BCL11B: variants seen among roughly 807,000 people sequenced by gnomAD.
The protein encoded by BCL11B is BCL11 transcription factor B, also known as B-cell lymphoma/leukemia 11B.
In BCL11B, 8 loss-of-function variants were observed where a neutral mutation model predicts 49.9. That is an observed-to-expected ratio of 0.16 (90% CI 0.09 to 0.29). The LOEUF is 0.29. BCL11B is among the 10% of genes least tolerant of loss of function. The probability of loss-of-function intolerance (pLI) is 1.00; values close to 1 mark genes in which losing one functional copy is unlikely to be tolerated. For missense variants in BCL11B, 1,006 were observed against 1,351.0 expected, an observed-to-expected ratio of 0.74 and a Z score of 4.00; for synonymous variants, 739 against 637.4, an observed-to-expected ratio of 1.16 and a Z score of -2.40.
chr14:99,239,160 T>C (rs538315563), intron 2 of BCL11B, among the ~76,000 whole-genome samples: 13 of 152,296 alleles, frequency 8.5e-5, no homozygotes, highest in Admixed American at 6.5e-4. Context: ...AATGGAGGAA[T>C]TGCCCCTTTT....
rs1301107578 is a variant in BCL11B at position 99,248,215 on chromosome 14, C to T, written c.427+9256G>A. ...CAGCACAGACTCCTCCTTTCTGAGA[C>T]ACCCCAGGGCCCTCCAGACCAAAAC... On this transcript the variant is annotated intron_variant, in intron 2 of 3. Transcript: ENST00000357195. This position sits in a 1 kb window ranked among gnomAD's most constrained non-coding sequence, Gnocchi z 4.7. 3.3e-5 allele frequency among the ~76,000 whole-genome samples: 5 copies of T among 152,092 alleles called. No homozygotes were observed. Among genetic ancestry groups the T allele is most frequent in the Admixed American group, 2.6e-4 (4 of 15,280 alleles).
intron 1 of BCL11B, chr14:99,264,376 A>G (rs1889422373): frequency 6.6e-6 from 1 of 151,560 alleles, no homozygotes; most frequent in Admixed American, 6.6e-5. Flanking sequence ...ACTTTTCTTG[A>G]GTCATTTCTG....
chr14:99,231,372 G>C lies in BCL11B; in HGVS notation c.613C>G (p.Pro205Ala), dbSNP rs778883303. The part of the protein sequence containing the change: ...GTQGEGQTEA[P>A]FGCQCQLSGK... Reference sequence around the variant, plus strand: ...GACAACTGACACTGGCATCCAAAGGGAGCCTCCGTCTGACCCTCACCCTGA... The same window carrying C: ...GACAACTGACACTGGCATCCAAAGGCAGCCTCCGTCTGACCCTCACCCTGA... Residue 205 changes from proline to alanine, a missense_variant, in exon 3 of 4, where the codon CCC (proline) becomes GCC (alanine). By Grantham distance (27) the Pro-to-Ala change is conservative. This residue lies in a region of BCL11B where 411 missense variants were observed against 542.2 expected (regional missense o/e 0.76). Transcript: ENST00000357195. The surrounding 1 kb of genome is among the most constrained non-coding windows in gnomAD (Gnocchi z 8.1). The C allele has an allele frequency of 6.2e-7, 1 of 1,608,472 alleles. No homozygotes were observed. The highest frequency in any genetic ancestry group is 1.7e-5 in the Admixed American group (1 of 59,310).
Position 99,170,602 on chromosome 14 carries a change from A to C in BCL11B, c.*3549T>G. 2 of 232,794 alleles carry C rather than the reference A, an allele frequency of 8.6e-6. No homozygotes were observed. Among genetic ancestry groups the C allele is most frequent in the East Asian group, 6.1e-5 (1 of 16,492 alleles). The allele number at this position is 232,794 out of a possible 1,614,324, so 14.4% of individuals were successfully genotyped here. On this transcript the variant is annotated 3_prime_UTR_variant, in exon 4 of 4. Coordinates refer to ENST00000357195, the MANE Select transcript of BCL11B (RefSeq NM_138576.4). ...AAAAAAAAGGACCAATGGAGGATGA[A>C]GGATGGAGAGGAAACGCAGGGGAAG...
chr14:99,180,915 G>A (rs1886681610), intron 3 of BCL11B, among the ~76,000 whole-genome samples: 1 of 152,074 alleles, frequency 6.6e-6, no homozygotes, highest in Admixed American at 6.5e-5. Flanking sequence ...CGTGCAGCTG[G>A]ACTCCTGCAA....
At chr14:99,212,699 C>G (rs1887722817) in intron 3 of BCL11B, among the ~76,000 whole-genome samples, 1 of 152,142 alleles carries the variant, frequency 6.6e-6, no homozygotes, top group Admixed American at 6.5e-5. Context: ...GAGAACAACC[C>G]CTCCACGCCC....
intron 3 of BCL11B, among the ~76,000 whole-genome samples, chr14:99,183,466 C>G (rs1029343942): frequency 6.6e-6 from 1 of 152,122 alleles, no homozygotes; most frequent in African/African-American, 2.4e-5. Flanking sequence ...GCCGAGACAT[C>G]CGACAGACCA....
Position 99,257,521 on chromosome 14 carries a change from T to C in BCL11B, c.377A>G (p.His126Arg), listed in dbSNP as rs764041113. The C allele has an allele frequency of 1.2e-6, 2 of 1,613,304 alleles. No homozygotes were observed. The highest frequency in any genetic ancestry group is 1.7e-6 in the Non-Finnish European group (2 of 1,179,486). The stretch of plus-strand genomic sequence containing the variant: ...GATGCCTTTCGTGGGTGAGAGCAGG[T>C]GGTCATCTTCGTCGGGGGTGACTTG... ...GIQVTPDEDD[H>R]LLSPTKGICP... The change falls in exon 2 of 4, where the codon CAC (histidine) becomes CGC (arginine). Residue 126 changes from histidine (H) to arginine (R), a missense_variant. Physicochemically the swap from His to Arg is conservative, Grantham distance 29. Transcript: ENST00000357195. The surrounding 1 kb of genome is among the most constrained non-coding windows in gnomAD (Gnocchi z 6.2).
At chr14:99,238,924 C>T (rs1013616739) in intron 2 of BCL11B, among the ~76,000 whole-genome samples, 2 of 152,162 alleles carry the variant, frequency 1.3e-5, no homozygotes, top group Admixed American at 6.5e-5. Context: ...AGCCATGTGT[C>T]GCACTGGTTA....
intron 3 of BCL11B, among the ~76,000 whole-genome samples, chr14:99,227,283 ACTCAGCACATGGTGTTGTT>A (rs1319371740): frequency 6.6e-6 from 1 of 152,112 alleles, no homozygotes; most frequent in African/African-American, 2.4e-5. Context: ...GACAGGGCTC[ACTCAGCACATGGTGTTGTT>A]CTCAGCACCT....
In BCL11B at chr14:99,175,699, G is replaced by A. The variant is rs753480029; in HGVS notation, c.1137C>T (p.Pro379=). Residue 379 remains proline (P), a synonymous_variant, in exon 4 of 4, where the codon CCC becomes CCT. Transcript: ENST00000357195. The part of the protein sequence containing the change: ...ELAGNSSTPP[P]VSPGRGNPMH... ...TAGGGTTGCCGCGGCCCGGGGACAC[G>A]GGCGGCGGCGTGGAGCTGTTGCCCG... The A allele has an allele frequency of 1.3e-6, 2 of 1,511,102 alleles. No individual in the cohort carries two copies. Among genetic ancestry groups the A allele is most frequent in the East Asian group, 2.5e-5 (1 of 40,440 alleles). The allele number at this position is 1,511,102 out of a possible 1,614,324, so 93.6% of individuals were successfully genotyped here. A position where few individuals can be genotyped will look rare whatever the true frequency, so the allele number is the denominator to read the frequency against.
Position 99,236,244 on chromosome 14 carries a change from CA to C in BCL11B, c.428-4688del, listed in dbSNP as rs1888494828. ...GCAGATAACCCAATTCGCACGCGGG[CA>C]AATAAAAATATTTTTTTCTGATCAC... On this transcript the variant is annotated intron_variant, in intron 2 of 3. Coordinates refer to ENST00000357195, the MANE Select transcript of BCL11B (RefSeq NM_138576.4). Among the ~76,000 whole-genome samples the C allele has an allele frequency of 3.3e-5, 5 of 151,968 alleles. No individual in the cohort carries two copies. The South Asian group carries it at 1.0e-3, about 32-fold the overall frequency.
Position 99,171,622 on chromosome 14 carries a change from T to G in BCL11B, c.*2529A>C, listed in dbSNP as rs1401149463. The G allele has an allele frequency of 1.9e-5, 4 of 210,300 alleles. No homozygotes were observed. The highest frequency in any genetic ancestry group is 3.9e-5 in the Non-Finnish European group (4 of 103,524). 13.0% of individuals were successfully genotyped at this position (210,300 alleles called of 1,614,324 possible). On this transcript the variant is annotated 3_prime_UTR_variant, in exon 4 of 4. Coordinates refer to ENST00000357195, the MANE Select transcript of BCL11B (RefSeq NM_138576.4). ...GGTCAGAAATGTGATTTTTTTTTTT[T>G]CTGCAAAGCAATAACAATATTAAGC...
intron 3 of BCL11B, among the ~76,000 whole-genome samples, chr14:99,193,969 C>T (rs1025825541): frequency 1.3e-5 from 2 of 152,150 alleles, no homozygotes; most frequent in East Asian, 1.9e-4. Context: ...CAATGAGATC[C>T]GGCCATTTTA....
rs1456104103 is a variant in BCL11B, at chr14:99,174,631, C to T, written c.2205G>A (p.Ser735=). 1 of 1,566,146 alleles carries T rather than the reference C, an allele frequency of 6.4e-7. No homozygotes were observed. ...PFLGFTDARQ[S]PFATSSEHSS... Reference sequence around the variant, plus strand: ...AGTGCTCGGACGACGTGGCGAAGGGCGACTGTCGTGCGTCCGTGAAGCCCA... The same window carrying T: ...AGTGCTCGGACGACGTGGCGAAGGGTGACTGTCGTGCGTCCGTGAAGCCCA... Residue 735 remains serine, a synonymous_variant, in exon 4 of 4, where the codon TCG becomes TCA. Transcript: ENST00000357195.
At chr14:99,220,261 G>C (rs956400814) in intron 3 of BCL11B, among the ~76,000 whole-genome samples, 1 of 152,148 alleles carries the variant, frequency 6.6e-6, no homozygotes, top group African/African-American at 2.4e-5. Context: ...CAAAAGAACT[G>C]AAAGCAAGGA....
At chr14:99,225,657 A>AAAAGAAAGAAAGAAAG (rs148489102) in intron 3 of BCL11B, among the ~76,000 whole-genome samples, 1 of 152,136 alleles carries the variant, frequency 6.6e-6, no homozygotes, top group African/African-American at 2.4e-5. Flanking sequence ...AAAAGGGAAA[A>AAAAGAAAGAAAGAAAG]AAAGAAAGAA....
Position 99,271,520 on chromosome 14 carries a change from A to AG in BCL11B, c.-303_-302insC. 1 of 215,536 alleles carries AG rather than the reference A, an allele frequency of 4.6e-6. No homozygotes were observed. Among genetic ancestry groups the AG allele is most frequent in the East Asian group, 6.6e-5 (1 of 15,208 alleles). 13.4% of individuals were successfully genotyped at this position (215,536 alleles called of 1,614,324 possible). A position where few individuals can be genotyped will look rare whatever the true frequency, so the allele number is the denominator to read the frequency against. ...TCTAAAATAAGAAAAAGAGGCAAAA[A>AG]AAAAAAAAACTGCTGTTGCTTTCCG... On this transcript the variant is annotated 5_prime_UTR_variant, in exon 1 of 4. Transcript: ENST00000357195.
chr14:99,214,268 T>C (rs1413374364), intron 3 of BCL11B, among the ~76,000 whole-genome samples: 1 of 152,104 alleles, frequency 6.6e-6, no homozygotes, highest in Non-Finnish European at 1.5e-5. Flanking sequence ...TGAATCCAGG[T>C]GTGGCCAGGT....
Sources: allele counts gnomAD v4.1 joint callset (sites outside exome capture counted in the v4.1 genomes callset), GRCh38; gene constraint gnomAD v4.1.1; regional missense constraint gnomAD v4.1.1; non-coding constraint Gnocchi (gnomAD v3.1); transcripts MANE v1.5; gene names NCBI Gene and HGNC (gene_info 2026-07-23, HGNC 2026-07-21).